Variants in MAD1L1 observed in about 807,000 individuals in gnomAD.
MAD1L1 encodes the protein mitotic spindle assembly checkpoint protein MAD1.
MAD1L1 carries 95 observed loss-of-function variants against 96.9 expected under a neutral mutation model. That is an observed-to-expected ratio of 0.98 (90% CI 0.83 to 1.16). MAD1L1 has a LOEUF of 1.16. Among genes scored for constraint, MAD1L1 ranks in the 50% most tolerant of loss-of-function variants. The probability of loss-of-function intolerance (pLI) is 0.00; values close to 1 mark genes in which losing one functional copy is unlikely to be tolerated. For missense variants in MAD1L1, 1,007 were observed against 954.4 expected (o/e 1.06, Z -0.73); for synonymous variants, 473 against 396.6 (o/e 1.19, Z -2.29).
chr7:2,088,669 C>T lies in MAD1L1; in HGVS notation c.1074-19331G>A, dbSNP rs1786053737. 6.6e-6 allele frequency: 1 copy of T among 152,646 alleles called. No individual in the cohort carries two copies. The highest frequency in any genetic ancestry group is 2.4e-5 in the African/African-American group (1 of 41,474). 9.5% of individuals were successfully genotyped at this position (152,646 alleles called of 1,614,324 possible). ...GACGGGTGGAGGGAGTGCCATCTGT[C>T]ACACTCCATGCAGCTCTTCAGCCTG... On this transcript the variant is annotated intron_variant, in intron 11 of 18. Coordinates refer to ENST00000265854, the MANE Select transcript of MAD1L1 (RefSeq NM_001013836.2). The surrounding 1 kb of genome is among the most constrained non-coding windows in gnomAD (Gnocchi z 4.4).
At chr7:1,980,315 C>G in intron 15 of MAD1L1, 138 bp downstream of exon 15, 1 of 707,236 alleles carries the variant, frequency 1.4e-6, no homozygotes, top group Non-Finnish European at 2.4e-6. Flanking sequence ...TGGGACACAC[C>G]TGGGCGTATC....
At chr7:1,986,451 G>A (rs941272930) in intron 14 of MAD1L1, among the ~76,000 whole-genome samples, 1 of 130,866 alleles carries the variant, frequency 7.6e-6, no homozygotes, top group African/African-American at 2.5e-5. Flanking sequence ...GCCGCCTCTC[G>A]CAAGGGCTCA....
At chr7:1,873,115 G>A (rs1057292599) in intron 18 of MAD1L1, among the ~76,000 whole-genome samples, 2 of 152,346 alleles carry the variant, frequency 1.3e-5, no homozygotes, top group Non-Finnish European at 1.5e-5. Flanking sequence ...GGAGCCCCCC[G>A]TGGGGCTGGT....
intron 16 of MAD1L1, among the ~76,000 whole-genome samples, chr7:1,948,245 G>T (rs915422629): frequency 6.6e-6 from 1 of 152,142 alleles, no homozygotes. Flanking sequence ...CAGCCAAGGC[G>T]TCCACGGCAA....
intron 12 of MAD1L1, among the ~76,000 whole-genome samples, chr7:2,042,310 CACAG>C (rs1783723764): frequency 6.7e-6 from 1 of 148,346 alleles, no homozygotes; most frequent in Admixed American, 6.6e-5. Context: ...CGCAGATGTG[CACAG>C]ACACACAGGC....
At chr7:2,169,009 G>T (rs1427971876) in intron 10 of MAD1L1, among the ~76,000 whole-genome samples, 1 of 152,238 alleles carries the variant, frequency 6.6e-6, no homozygotes, top group Non-Finnish European at 1.5e-5. Flanking sequence ...GTTACTAAAT[G>T]TGTTTTAAAA....
chr7:1,979,643 C>T (rs748350535), intron 15 of MAD1L1, among the ~76,000 whole-genome samples: 26 of 152,258 alleles, frequency 1.7e-4, no homozygotes, highest in Non-Finnish European at 1.8e-4. Flanking sequence ...GCAGACCCTG[C>T]TCTAGGGGCG....
intron 12 of MAD1L1, among the ~76,000 whole-genome samples, chr7:2,023,538 G>A (rs78103415): frequency 0.01 from 1,543 of 151,908 alleles, 27 homozygotes; most frequent in African/African-American, 0.036. Flanking sequence ...CATGCTTAGA[G>A]GAAAATTTAT....
At chr7:1,856,408 C>A (rs901326675) in intron 18 of MAD1L1, among the ~76,000 whole-genome samples, 3 of 152,238 alleles carry the variant, frequency 2.0e-5, no homozygotes, top group Non-Finnish European at 4.4e-5. Flanking sequence ...GGGCCCCCTG[C>A]CTCCAGCGGC....
intron 11 of MAD1L1, chr7:2,079,808 A>T (rs779810471): frequency 3.8e-5 from 18 of 468,772 alleles, no homozygotes; most frequent in South Asian, 2.8e-4. Context: ...GAGATTAGGA[A>T]ATGAGAACTG....
chr7:2,222,581 A>G lies in MAD1L1; in HGVS notation c.465T>C (p.Ala155=), dbSNP rs1248936077. The G allele has an allele frequency of 6.3e-7, 1 of 1,597,406 alleles. No homozygotes were observed. The highest frequency in any genetic ancestry group is 1.7e-5 in the Admixed American group (1 of 58,046). ...LREKEDSLAQ[A]GETINALKGR... is the part of the protein sequence containing the mutation. ...CAGCAGAGGCCCCGCTCACCTCGCCAGCCTGGGCCAGACTGTCCTCTTTCT... is the reference window on the plus strand; with the variant it reads ...CAGCAGAGGCCCCGCTCACCTCGCCGGCCTGGGCCAGACTGTCCTCTTTCT... Residue 155 remains alanine (A), a synonymous_variant, in exon 5 of 19, where the codon GCT becomes GCC. Coordinates refer to ENST00000265854, the MANE Select transcript of MAD1L1 (RefSeq NM_001013836.2).
At chr7:2,164,813 G>T (rs35536620) in intron 10 of MAD1L1, among the ~76,000 whole-genome samples, 35,049 of 152,132 alleles carry the variant, frequency 0.23, 4,277 homozygotes, top group Middle Eastern at 0.36. Flanking sequence ...CAGAGTCCTT[G>T]GCAGCTAGAG....
chr7:2,074,531 G>A (rs1351137210), intron 11 of MAD1L1, among the ~76,000 whole-genome samples: 1 of 152,238 alleles, frequency 6.6e-6, no homozygotes, highest in Non-Finnish European at 1.5e-5. Flanking sequence ...GCAGCCCATG[G>A]AGCTGGCACC....
intron 10 of MAD1L1, among the ~76,000 whole-genome samples, chr7:2,170,665 A>C (rs774968059): frequency 1.4e-4 from 21 of 152,190 alleles, no homozygotes; most frequent in Non-Finnish European, 2.6e-4. Flanking sequence ...TGCAAGACGC[A>C]AAAGTGAAGC....
rs552729716 is a variant in MAD1L1, at chr7:1,968,703, G to T, written c.1506-10984C>A. On this transcript the variant is annotated intron_variant, in intron 15 of 18. Transcript: ENST00000265854. This position sits in a 1 kb window ranked among gnomAD's most constrained non-coding sequence, Gnocchi z 5.6. ...GGGACGTGGTGAGAAAGGACTTGTC[G>T]TCTGTGATCTTCCTTCCAAAAACCA... 6.6e-6 allele frequency among the ~76,000 whole-genome samples: 1 copy of T among 152,242 alleles called. No homozygotes were observed. The highest frequency in any genetic ancestry group is 1.5e-5 in the Non-Finnish European group (1 of 68,042).
intron 16 of MAD1L1, among the ~76,000 whole-genome samples, chr7:1,951,023 C>T (rs1029471303): frequency 3.3e-5 from 5 of 152,232 alleles, no homozygotes; most frequent in South Asian, 2.1e-4. Context: ...GTCCTGGTCC[C>T]GCTGCAACCA....
intron 18 of MAD1L1, among the ~76,000 whole-genome samples, chr7:1,879,752 A>G (rs1785578841): frequency 1.3e-5 from 2 of 152,164 alleles, no homozygotes; most frequent in Admixed American, 6.5e-5. Flanking sequence ...TTCTTTTGAG[A>G]CGGAGTCTCA....
intron 18 of MAD1L1, among the ~76,000 whole-genome samples, chr7:1,892,060 A>C (rs973323567): frequency 6.6e-6 from 1 of 152,054 alleles, no homozygotes; most frequent in Admixed American, 6.6e-5. Context: ...CACGGTGAGC[A>C]CCCTACGCAG....
chr7:1,817,845 G>C (rs1267250076), intron 18 of MAD1L1, among the ~76,000 whole-genome samples: 1 of 151,960 alleles, frequency 6.6e-6, no homozygotes, highest in African/African-American at 2.4e-5. Context: ...CCTGTCCACC[G>C]GAGCATGCCT....
Sources: allele counts gnomAD v4.1 joint callset (sites outside exome capture counted in the v4.1 genomes callset), GRCh38; gene constraint gnomAD v4.1.1; non-coding constraint Gnocchi (gnomAD v3.1); transcripts MANE v1.5; gene names NCBI Gene and HGNC (gene_info 2026-07-23, HGNC 2026-07-21).